Variants in RPTOR observed in about 807,000 individuals in gnomAD.
RPTOR encodes the protein regulatory-associated protein of mTOR.
RPTOR carries 21 observed loss-of-function variants against 169.9 expected under a neutral mutation model. The ratio of observed to expected loss-of-function variants is 0.12; its 90% confidence interval spans 0.09 to 0.18. The LOEUF is 0.18. Ranked by LOEUF, RPTOR falls within the 10% of genes least tolerant of loss-of-function variation. The pLI is 1.00. For missense variants in RPTOR, 1,133 were observed against 1,855.9 expected (o/e 0.61, Z 7.16); for synonymous variants, 732 against 753.2 (o/e 0.97, Z 0.46).
intron 7 of RPTOR, among the ~76,000 whole-genome samples, chr17:80,815,140 CTG>C (rs2051579771): frequency 6.6e-6 from 1 of 152,268 alleles, no homozygotes; most frequent in African/African-American, 2.4e-5. Context: ...AGCCGCGTGA[CTG>C]TGCTGGGGAG....
At chr17:80,682,590 C>T (rs2065907147) in intron 3 of RPTOR, among the ~76,000 whole-genome samples, 2 of 152,206 alleles carry the variant, frequency 1.3e-5, no homozygotes, top group Non-Finnish European at 2.9e-5. Context: ...GGCGTGCCCA[C>T]GGCCACCAGA....
chr17:80,782,639 G>A (rs1391308481), intron 6 of RPTOR, among the ~76,000 whole-genome samples: 1 of 152,120 alleles, frequency 6.6e-6, no homozygotes, highest in Non-Finnish European at 1.5e-5. Flanking sequence ...CACCGCAGTC[G>A]TGGAAGCCCT....
intron 4 of RPTOR, among the ~76,000 whole-genome samples, chr17:80,725,060 G>A (rs1299593007): frequency 2.6e-5 from 4 of 152,178 alleles, no homozygotes; most frequent in African/African-American, 4.8e-5. Flanking sequence ...GGGATAAAAC[G>A]CTCACATTTA....
chr17:80,864,555 T>G (rs2067965345), intron 13 of RPTOR, among the ~76,000 whole-genome samples: 1 of 152,152 alleles, frequency 6.6e-6, no homozygotes, highest in South Asian at 2.1e-4. Context: ...TGAAAATATA[T>G]TTCCAAATGG....
At chr17:80,894,038 G>C (rs1215421187) in intron 20 of RPTOR, among the ~76,000 whole-genome samples, 173 bp downstream of exon 20, 8 of 152,236 alleles carry the variant, frequency 5.3e-5, no homozygotes, top group Admixed American at 4.6e-4. Flanking sequence ...GCTGGGGCAA[G>C]CGGGAAAGTT....
In RPTOR at chr17:80,756,104, C is replaced by T. The variant is rs868858366; in HGVS notation, c.830+1919C>T. Among the ~76,000 whole-genome samples, 8 of 152,364 alleles carry T rather than the reference C, an allele frequency of 5.3e-5. No homozygotes were observed. The South Asian group carries it at 6.2e-4, about 12-fold the overall frequency. ...TATGTGCTGGAAACTTAATCCCCCA[C>T]GCAACAGTGTTGGGAGGTGATTGCA... is the stretch of plus-strand genomic sequence containing the variant. On this transcript the variant is annotated intron_variant, in intron 6 of 33. Coordinates refer to ENST00000306801, the MANE Select transcript of RPTOR (RefSeq NM_020761.3).
chr17:80,638,979 G>A (rs1305746273), intron 2 of RPTOR, among the ~76,000 whole-genome samples: 1 of 152,208 alleles, frequency 6.6e-6, no homozygotes, highest in Non-Finnish European at 1.5e-5. Context: ...CCCGGCCGAA[G>A]CTTTCCTGTC....
chr17:80,863,100 G>A (rs1446657243), intron 13 of RPTOR, among the ~76,000 whole-genome samples: 10 of 152,170 alleles, frequency 6.6e-5, no homozygotes. Context: ...AGGTGGGCTC[G>A]GGCGGAAGAA....
At chr17:80,686,822 T>A (rs2065951769) in intron 3 of RPTOR, among the ~76,000 whole-genome samples, 2 of 152,134 alleles carry the variant, frequency 1.3e-5, no homozygotes, top group Non-Finnish European at 2.9e-5. Flanking sequence ...CGCTTCAGAG[T>A]AAGGCTGTTG....
At chr17:80,660,683 G>A (rs1345907963) in intron 3 of RPTOR, among the ~76,000 whole-genome samples, 1 of 152,140 alleles carries the variant, frequency 6.6e-6, no homozygotes, top group African/African-American at 2.4e-5. Context: ...TGCATGCCTG[G>A]CAACACAGGC....
At chr17:80,685,627 A>T (rs8073610) in intron 3 of RPTOR, among the ~76,000 whole-genome samples, 14,902 of 30,844 alleles carry the variant, frequency 0.48, 3,201 homozygotes, top group East Asian at 0.66. Context: ...ATATATATAT[A>T]TTTTTTTTTT....
At chr17:80,710,477 A>C (rs887812616) in intron 4 of RPTOR, among the ~76,000 whole-genome samples, 1 of 152,124 alleles carries the variant, frequency 6.6e-6, no homozygotes, top group Non-Finnish European at 1.5e-5. Context: ...AAACAAAAAC[A>C]ATCACCATTA....
intron 7 of RPTOR, among the ~76,000 whole-genome samples, chr17:80,793,392 T>C (rs1404158652): frequency 2.6e-5 from 4 of 152,254 alleles, no homozygotes; most frequent in Non-Finnish European, 5.9e-5. Flanking sequence ...ATTTTATCCT[T>C]GCTGGGTTGG....
At chr17:80,821,876 C>T (rs1186849144) in intron 7 of RPTOR, among the ~76,000 whole-genome samples, 1 of 152,200 alleles carries the variant, frequency 6.6e-6, no homozygotes, top group African/African-American at 2.4e-5. Flanking sequence ...GCACGTGCCA[C>T]AGACTGCCCT....
At position 80,837,991 on chromosome 17, in the gene RPTOR, G is replaced by A. The variant is rs747216581; in HGVS notation, c.1206G>A (p.Ala402=). 43 of 1,608,982 alleles carry A rather than the reference G, an allele frequency of 2.7e-5. No individual in the cohort carries two copies. Among genetic ancestry groups the A allele is most frequent in the African/African-American group, 8.0e-5 (6 of 74,882 alleles). Residue 402 remains alanine, a synonymous_variant, in exon 10 of 34, where the codon GCG becomes GCA. Transcript: ENST00000306801. ...CGACGATCATCGAGGAAGGCACTGCGTTTCGGGTGAGTCCCTCCAAGGGCA... is the reference window on the plus strand; with the variant it reads ...CGACGATCATCGAGGAAGGCACTGCATTTCGGGTGAGTCCCTCCAAGGGCA... ...QLPTIIEEGT[A]FRHSPFFAEQ...
chr17:80,644,044 T>C (rs899151810), intron 3 of RPTOR, among the ~76,000 whole-genome samples: 1 of 152,270 alleles, frequency 6.6e-6, no homozygotes, highest in Non-Finnish European at 1.5e-5. Flanking sequence ...GTCCAACTTA[T>C]TTTGCTTAAG....
chr17:80,713,466 C>T (rs918017678), intron 4 of RPTOR, among the ~76,000 whole-genome samples: 1 of 152,130 alleles, frequency 6.6e-6, no homozygotes, highest in African/African-American at 2.4e-5. Context: ...CAGTGATCCT[C>T]CAGGATGTCC....
intron 3 of RPTOR, among the ~76,000 whole-genome samples, chr17:80,685,602 CATATATATATAT>C (rs1164461444): frequency 3.8e-4 from 13 of 34,524 alleles, no homozygotes; most frequent in South Asian, 1.3e-3. Context: ...GGGCCATTTC[CATATATATATAT>C]ATATATATAT....
intron 10 of RPTOR, 96 bp from the exon 11 acceptor site, chr17:80,846,377 G>C (rs1029789668): frequency 7.1e-6 from 9 of 1,274,816 alleles, no homozygotes; most frequent in African/African-American, 2.9e-5. Context: ...CGGGCCCTTC[G>C]TGAAGGCTTG....
Sources: gnomAD v4.1 joint callset for allele counts (sites outside exome capture counted in the v4.1 genomes callset) on GRCh38, gnomAD v4.1.1 for gene constraint, MANE v1.5 for transcripts, NCBI Gene and HGNC (gene_info 2026-07-23, HGNC 2026-07-21) for gene names.